The following TOX2 variants were observed in gnomAD, a reference collection of about 807,000 sequenced individuals.
TOX2 encodes the protein granulosa cell HMG box 1.
A neutral mutation model predicts 47.4 loss-of-function variants in TOX2; 15 were observed. That is an observed-to-expected ratio of 0.32 (90% CI 0.21 to 0.49). The LOEUF (loss-of-function observed/expected upper bound fraction) is 0.49, where lower values mean the gene tolerates loss of function less well. TOX2 is among the 20% of genes least tolerant of loss of function. The pLI is 0.99. For missense variants in TOX2, 622 were observed against 673.1 expected (o/e 0.92, Z 0.84); for synonymous variants, 290 against 296.6 (o/e 0.98, Z 0.23).
intron 2 of TOX2, among the ~76,000 whole-genome samples, chr20:43,992,541 G>A (rs1417509421): frequency 2.0e-5 from 3 of 152,100 alleles, no homozygotes; most frequent in Non-Finnish European, 4.4e-5. Context: ...CGTAAGGAAG[G>A]ATCATAGCCT....
intron 3 of TOX2, among the ~76,000 whole-genome samples, chr20:44,026,632 T>C (rs1357063073): frequency 6.6e-6 from 1 of 151,640 alleles, no homozygotes; most frequent in Non-Finnish European, 1.5e-5. Flanking sequence ...AAAAAGGGGG[T>C]GCTGGAGAGC....
At chr20:43,972,810 A>G (rs534626484) in intron 1 of TOX2, among the ~76,000 whole-genome samples, 14 of 152,344 alleles carry the variant, frequency 9.2e-5, no homozygotes, top group African/African-American at 2.4e-4. Context: ...GTTCCTGTAC[A>G]TGGTCTCTAC....
intron 1 of TOX2, among the ~76,000 whole-genome samples, chr20:43,952,817 C>T (rs762514851): frequency 1.2e-4 from 18 of 152,158 alleles, no homozygotes; most frequent in Non-Finnish European, 2.4e-4. Flanking sequence ...ACGGGACTCA[C>T]TGTGGGTGGC....
At chr20:43,958,264 A>T (rs977208346) in intron 1 of TOX2, among the ~76,000 whole-genome samples, 1 of 152,124 alleles carries the variant, frequency 6.6e-6, no homozygotes, top group African/African-American at 2.4e-5. Flanking sequence ...CTCTGGCCAG[A>T]TTGGGCATCC....
chr20:44,062,113 A>G (rs557500072), intron 5 of TOX2, among the ~76,000 whole-genome samples: 1 of 152,156 alleles, frequency 6.6e-6, no homozygotes, highest in Admixed American at 6.5e-5. Context: ...AGTCCTGGCC[A>G]GAGCAATCAG....
At chr20:43,971,386 G>T (rs1472249484) in intron 1 of TOX2, among the ~76,000 whole-genome samples, 1 of 152,220 alleles carries the variant, frequency 6.6e-6, no homozygotes, top group Non-Finnish European at 1.5e-5. Context: ...GAAAATGGTG[G>T]TAGAAAGGGT....
rs2069227879 is a variant in TOX2, at chr20:43,929,742, C to T, written c.99+14752C>T. ...TTTATTTTTTTGAGATGGAGTCTCGCTCTGTTGCCCAGGTTGGAGTGCAGT... is the reference window on the plus strand; with the variant it reads ...TTTATTTTTTTGAGATGGAGTCTCGTTCTGTTGCCCAGGTTGGAGTGCAGT... On this transcript the variant is annotated intron_variant, in intron 1 of 8. Coordinates refer to ENST00000341197, the MANE Select transcript of TOX2 (RefSeq NM_001098797.2). 3.3e-5 allele frequency among the ~76,000 whole-genome samples: 5 copies of T among 152,244 alleles called. No individual in the cohort carries two copies. In the South Asian group the frequency reaches 1.0e-3, roughly 32 times the overall value.
chr20:44,042,249 G>A (rs529995175), intron 3 of TOX2, among the ~76,000 whole-genome samples: 1 of 152,156 alleles, frequency 6.6e-6, no homozygotes, highest in African/African-American at 2.4e-5. Context: ...CACAAGAACA[G>A]CACAGGAAAG....
intron 1 of TOX2, among the ~76,000 whole-genome samples, chr20:43,967,503 C>T (rs550954274): frequency 2.0e-5 from 3 of 152,122 alleles, no homozygotes; most frequent in Non-Finnish European, 4.4e-5. Context: ...CATCTATCCA[C>T]GCATCCCCAA....
At chr20:43,927,625 CT>C (rs2069188635) in intron 1 of TOX2, among the ~76,000 whole-genome samples, 18 of 81,294 alleles carry the variant, frequency 2.2e-4, no homozygotes, top group Non-Finnish European at 2.4e-4. Context: ...TCCTTCCTTC[CT>C]CCTTCCTTCC....
intron 6 of TOX2, 22 bp downstream of exon 6, chr20:44,064,879 C>T (rs758706259): frequency 6.2e-7 from 1 of 1,611,998 alleles, no homozygotes; most frequent in Non-Finnish European, 8.5e-7. Flanking sequence ...AATCTCCAGG[C>T]ACAGCCCTGA....
chr20:44,053,511 CTATATAT>C (rs1263559908), intron 4 of TOX2, among the ~76,000 whole-genome samples: 10 of 142,252 alleles, frequency 7.0e-5, no homozygotes, highest in Non-Finnish European at 1.5e-4. Context: ...CATATATATA[CTATATAT>C]ACACATATAT....
At position 44,056,834 on chromosome 20, in the gene TOX2, A is replaced by G. The variant is rs1053423290; in HGVS notation, c.879+2308A>G. Among the ~76,000 whole-genome samples the G allele has an allele frequency of 6.6e-5, 10 of 152,172 alleles. No individual in the cohort carries two copies. The South Asian group carries it at 2.1e-3, about 31-fold the overall frequency. ...ATCATTTTTAATTCCTGAGTCTTCT[A>G]GGTTTAAAAAAAGTGTCTATAATTA... is the stretch of plus-strand genomic sequence containing the variant. On this transcript the variant is annotated intron_variant, in intron 5 of 8. Coordinates refer to ENST00000341197, the MANE Select transcript of TOX2 (RefSeq NM_001098797.2).
chr20:43,957,942 G>A (rs1487723049), intron 1 of TOX2, among the ~76,000 whole-genome samples: 1 of 152,056 alleles, frequency 6.6e-6, no homozygotes, highest in Non-Finnish European at 1.5e-5. Context: ...ACAGCAAGGG[G>A]GATATCCGCC....
intron 2 of TOX2, among the ~76,000 whole-genome samples, chr20:43,977,295 G>T (rs750522420): frequency 3.3e-5 from 5 of 152,162 alleles, no homozygotes; most frequent in Non-Finnish European, 7.4e-5. Context: ...ATTTTTAGTT[G>T]AGACAGGGTT....
At chr20:44,014,490 C>T (rs1010908066) in intron 3 of TOX2, among the ~76,000 whole-genome samples, 3 of 152,100 alleles carry the variant, frequency 2.0e-5, no homozygotes, top group African/African-American at 7.2e-5. Flanking sequence ...TCTTGGCATA[C>T]AGTATCATCT....
At chr20:44,023,158 GGGAA>G (rs996041215) in intron 3 of TOX2, among the ~76,000 whole-genome samples, 96 of 151,926 alleles carry the variant, frequency 6.3e-4, no homozygotes, top group African/African-American at 2.2e-3. Flanking sequence ...AGGGACAGAA[GGGAA>G]GGAAGGAAGG....
At chr20:44,015,882 G>C (rs954380015) in intron 3 of TOX2, among the ~76,000 whole-genome samples, 1 of 152,032 alleles carries the variant, frequency 6.6e-6, no homozygotes, top group Non-Finnish European at 1.5e-5. Flanking sequence ...TTTTTGCAAA[G>C]GTTTACAACT....
chr20:44,044,731 A>T (rs2071388168), intron 3 of TOX2, among the ~76,000 whole-genome samples: 1 of 152,192 alleles, frequency 6.6e-6, no homozygotes, highest in Non-Finnish European at 1.5e-5. Flanking sequence ...TTTCTTAAAA[A>T]TTAAAAAACA....
Sources: allele counts gnomAD v4.1 joint callset (sites outside exome capture counted in the v4.1 genomes callset), GRCh38; gene constraint gnomAD v4.1.1; transcripts MANE v1.5; gene names NCBI Gene and HGNC (gene_info 2026-07-23, HGNC 2026-07-21).